The following CCDC178 variants were observed in gnomAD, a reference collection of about 807,000 sequenced individuals.
CCDC178 encodes coiled-coil domain-containing protein 178.
In CCDC178, 126 loss-of-function variants were observed where a neutral mutation model predicts 117.4. That is an observed-to-expected ratio of 1.07 (90% confidence interval 0.93 to 1.24). The LOEUF (loss-of-function observed/expected upper bound fraction) is 1.24. Ranked by LOEUF, CCDC178 falls within the 50% of genes most tolerant of loss-of-function variation. The probability of loss-of-function intolerance (pLI) is 0.00; values close to 1 mark genes in which losing one functional copy is unlikely to be tolerated. For missense variants in CCDC178, 1,030 were observed against 986.9 expected (o/e 1.04, Z -0.59); for synonymous variants, 283 against 313.4 (o/e 0.90, Z 1.02).
At chr18:33,263,495 ATCTAT>A (rs1319062890) in intron 14 of CCDC178, among the ~76,000 whole-genome samples, 2 of 152,108 alleles carry the variant, frequency 1.3e-5, no homozygotes, top group African/African-American at 4.8e-5. Flanking sequence ...ATTGTGAAAA[ATCTAT>A]TATATCATGC....
intron 21 of CCDC178, among the ~76,000 whole-genome samples, chr18:32,996,186 C>T (rs957432614): frequency 1.3e-5 from 2 of 151,778 alleles, no homozygotes; most frequent in Non-Finnish European, 1.5e-5. Context: ...AATATAAAAT[C>T]CTGAGAACAG....
At chr18:33,259,654 C>G (rs1013257597) in intron 14 of CCDC178, among the ~76,000 whole-genome samples, 5 of 152,090 alleles carry the variant, frequency 3.3e-5, no homozygotes, top group South Asian at 2.1e-4. Flanking sequence ...TCAATCACCC[C>G]CCCCCACCAG....
At chr18:33,300,190 T>A (rs574070312) in intron 11 of CCDC178, among the ~76,000 whole-genome samples, 57 of 152,284 alleles carry the variant, frequency 3.7e-4, no homozygotes, top group Admixed American at 1.6e-3. Flanking sequence ...TGCTCCCACT[T>A]CACTTTCCTC....
chr18:32,947,477 T>C (rs1274457508), intron 22 of CCDC178, among the ~76,000 whole-genome samples: 1 of 152,222 alleles, frequency 6.6e-6, no homozygotes, highest in African/African-American at 2.4e-5. Context: ...GCTTTGCATC[T>C]ACTTATTTGC....
intron 22 of CCDC178, among the ~76,000 whole-genome samples, chr18:32,966,107 G>A (rs1389271364): frequency 6.6e-6 from 1 of 151,258 alleles, no homozygotes; most frequent in Non-Finnish European, 1.5e-5. Context: ...ACTCTATAAT[G>A]TATATAAATA....
At chr18:33,202,172 T>A (rs572814199) in intron 20 of CCDC178, among the ~76,000 whole-genome samples, 1 of 151,840 alleles carries the variant, frequency 6.6e-6, no homozygotes, top group South Asian at 2.1e-4. Context: ...AGGCAGGCGA[T>A]CAAGAGGTCA....
At chr18:33,415,308 C>T (rs1425030428) in intron 2 of CCDC178, among the ~76,000 whole-genome samples, 2 of 152,056 alleles carry the variant, frequency 1.3e-5, no homozygotes, top group African/African-American at 4.8e-5. Context: ...ACCCAAATGT[C>T]GATCAATGAT....
intron 2 of CCDC178, among the ~76,000 whole-genome samples, chr18:33,423,569 C>T (rs1431312953): frequency 6.6e-6 from 1 of 152,016 alleles, no homozygotes; most frequent in East Asian, 1.9e-4. Context: ...TTCTTGTACA[C>T]TTTTCTTTGT....
chr18:33,022,143 A>G (rs2056133953), intron 21 of CCDC178, among the ~76,000 whole-genome samples: 2 of 152,172 alleles, frequency 1.3e-5, no homozygotes, highest in East Asian at 1.9e-4. Context: ...GATATATGAA[A>G]TGGAGATAAT....
At chr18:33,034,603 T>A (rs1342870114) in intron 21 of CCDC178, among the ~76,000 whole-genome samples, 7 of 152,068 alleles carry the variant, frequency 4.6e-5, no homozygotes, top group Admixed American at 3.3e-4. Context: ...GGAAAAGCTC[T>A]TTTTCCAACC....
chr18:33,004,545 A>T (rs1172940358), intron 21 of CCDC178, among the ~76,000 whole-genome samples: 1 of 152,056 alleles, frequency 6.6e-6, no homozygotes, highest in Non-Finnish European at 1.5e-5. Flanking sequence ...GAAATGCTAC[A>T]GGACACTGGA....
intron 20 of CCDC178, among the ~76,000 whole-genome samples, chr18:33,112,694 T>C (rs2057801353): frequency 6.6e-6 from 1 of 152,014 alleles, no homozygotes; most frequent in Non-Finnish European, 1.5e-5. Context: ...AGCTTTAATG[T>C]CAGGTTCATC....
chr18:33,037,239 T>G (rs147032039), intron 21 of CCDC178, among the ~76,000 whole-genome samples: 218 of 152,122 alleles, frequency 1.4e-3, no homozygotes, highest in African/African-American at 5.0e-3. Flanking sequence ...CTGTGTTGAT[T>G]TTTAAATGAG....
intron 2 of CCDC178, among the ~76,000 whole-genome samples, chr18:33,422,508 T>C (rs1247724778): frequency 6.6e-6 from 1 of 152,194 alleles, no homozygotes; most frequent in African/African-American, 2.4e-5. Flanking sequence ...AGAACTTTCA[T>C]GATGAAAATA....
rs1285660959 is a variant in CCDC178, at chr18:33,368,787, T to A, written c.348+1263A>T. ...GTTTTGTAAGGTCTAAGAGCAATGA[T>A]GTAGTAAAACATAATGTCTGACTTA... On this transcript the variant is annotated intron_variant, in intron 6 of 22. Coordinates refer to ENST00000383096, the MANE Select transcript of CCDC178 (RefSeq NM_001105528.4). 2.6e-5 allele frequency among the ~76,000 whole-genome samples: 4 copies of A among 151,990 alleles called. No individual in the cohort carries two copies. The South Asian group carries it at 8.3e-4, about 31-fold the overall frequency.
chr18:33,264,088 A>C (rs1268503364), intron 14 of CCDC178, among the ~76,000 whole-genome samples: 1 of 152,102 alleles, frequency 6.6e-6, no homozygotes, highest in African/African-American at 2.4e-5. Flanking sequence ...TCAAACAAAA[A>C]AATCATAAAA....
chr18:33,211,241 G>A (rs1012385937), intron 20 of CCDC178, among the ~76,000 whole-genome samples: 1 of 151,732 alleles, frequency 6.6e-6, no homozygotes, highest in Non-Finnish European at 1.5e-5. Context: ...TTCCAAAAAT[G>A]AGTAATATTT....
At chr18:33,351,859 G>A (rs2062984383) in intron 7 of CCDC178, among the ~76,000 whole-genome samples, 1 of 152,146 alleles carries the variant, frequency 6.6e-6, no homozygotes, top group African/African-American at 2.4e-5. Context: ...GGCCTGTCAT[G>A]TATATTCAGA....
At chr18:33,170,417 C>T (rs71366367) in intron 20 of CCDC178, among the ~76,000 whole-genome samples, 3,009 of 152,102 alleles carry the variant, frequency 0.02, 41 homozygotes, top group Non-Finnish European at 0.032. Flanking sequence ...TTATTTAGAA[C>T]TTATTAAAGG....
Sources: gnomAD v4.1 joint callset for allele counts (sites outside exome capture counted in the v4.1 genomes callset) on GRCh38, gnomAD v4.1.1 for gene constraint, MANE v1.5 for transcripts, NCBI Gene and HGNC (gene_info 2026-07-23, HGNC 2026-07-21) for gene names.